The following PTPRD variants were observed in gnomAD, a reference collection of about 807,000 sequenced individuals.
PTPRD encodes receptor-type tyrosine-protein phosphatase delta.
PTPRD carries 34 observed loss-of-function variants against 214.5 expected under a neutral mutation model. That is an observed-to-expected ratio of 0.16 (90% CI 0.12 to 0.21). The LOEUF is 0.21. PTPRD is among the 10% of genes least tolerant of loss of function. The probability of loss-of-function intolerance (pLI) is 1.00; values close to 1 mark genes in which losing one functional copy is unlikely to be tolerated. For missense variants in PTPRD, 2,545 were observed against 2,398.7 expected, an observed-to-expected ratio of 1.06 and a Z score of -1.27; for synonymous variants, 1,128 against 845.7, an observed-to-expected ratio of 1.33 and a Z score of -5.79.
intron 7 of PTPRD, among the ~76,000 whole-genome samples, chr9:9,734,313 G>A (rs1466611886): frequency 6.6e-6 from 1 of 152,086 alleles, no homozygotes; most frequent in Admixed American, 6.6e-5. Flanking sequence ...TCTAACCCAT[G>A]AAGTTGAATC....
At chr9:8,374,051 C>A (rs2082460774) in intron 39 of PTPRD, among the ~76,000 whole-genome samples, 2 of 150,886 alleles carry the variant, frequency 1.3e-5, no homozygotes, top group Admixed American at 6.6e-5. Flanking sequence ...TCAGTGAAAA[C>A]TCCCAAATTA....
chr9:9,627,755 C>T (rs1186997720), intron 7 of PTPRD, among the ~76,000 whole-genome samples: 1 of 152,090 alleles, frequency 6.6e-6, no homozygotes, highest in Non-Finnish European at 1.5e-5. Flanking sequence ...CAGTTCTTCC[C>T]CAATAGTTCT....
chr9:10,220,815 TATAA>T (rs2099568549), intron 3 of PTPRD, among the ~76,000 whole-genome samples: 1 of 152,058 alleles, frequency 6.6e-6, no homozygotes, highest in Admixed American at 6.6e-5. Flanking sequence ...TTGCTAAACT[TATAA>T]ATTTTATAAA....
intron 2 of PTPRD, among the ~76,000 whole-genome samples, chr9:10,503,213 A>AAAAAAAC (rs1555437452): frequency 2.0e-5 from 3 of 149,480 alleles, no homozygotes; most frequent in African/African-American, 7.4e-5. Context: ...AAAAACAAAA[A>AAAAAAAC]AAAACACCAT....
chr9:10,048,985 C>T (rs1306570191), intron 3 of PTPRD, among the ~76,000 whole-genome samples: 1 of 151,922 alleles, frequency 6.6e-6, no homozygotes. Context: ...CCCTGACACT[C>T]GGGTAGTTCA....
At position 9,735,515 on chromosome 9, in the gene PTPRD, C is replaced by T. The variant is rs563518260; in HGVS notation, c.-325-944G>A. Among the ~76,000 whole-genome samples the T allele has an allele frequency of 2.6e-5, 4 of 152,182 alleles. No individual in the cohort carries two copies. In the South Asian group the frequency reaches 6.2e-4, roughly 24 times the overall value. On this transcript the variant is annotated intron_variant, in intron 6 of 45. Transcript: ENST00000381196. ...ATATGTGCATATGAATATGTGTCTG[C>T]ATCTTACTGTCAGAAAATTTAAATT...
intron 2 of PTPRD, among the ~76,000 whole-genome samples, chr9:10,414,984 G>A (rs763361210): frequency 3.3e-5 from 5 of 151,724 alleles, no homozygotes; most frequent in African/African-American, 9.6e-5. Context: ...TGGTTACTAG[G>A]TTTAATATCT....
At chr9:8,784,776 C>G (rs60096481) in intron 11 of PTPRD, among the ~76,000 whole-genome samples, 1,599 of 152,266 alleles carry the variant, frequency 0.011, 36 homozygotes, top group African/African-American at 0.036. Flanking sequence ...ACTCTCCATA[C>G]CAAAAATGTC....
rs117651232 is a variant in PTPRD, at chr9:9,569,183, A to G, written c.-237+5549T>C. Among the ~76,000 whole-genome samples, 264 of 145,588 alleles carry G rather than the reference A, an allele frequency of 1.8e-3. 5 individuals are homozygous for G. The East Asian group carries it at 0.048, about 26-fold the overall frequency. ...TCCTCTAACTATCTGCACATGTATC[A>G]ACACAGATGATACGCTAGTCATTTG... On this transcript the variant is annotated intron_variant, in intron 8 of 45. Coordinates refer to ENST00000381196, the MANE Select transcript of PTPRD (RefSeq NM_002839.4).
intron 2 of PTPRD, among the ~76,000 whole-genome samples, chr9:10,604,578 C>A (rs577604160): frequency 1.3e-5 from 2 of 151,802 alleles, no homozygotes; most frequent in Admixed American, 1.3e-4. Flanking sequence ...TTGCTTGCAA[C>A]CACACAGGTA....
chr9:8,585,307 T>A (rs563767581), intron 14 of PTPRD, among the ~76,000 whole-genome samples: 7 of 152,302 alleles, frequency 4.6e-5, no homozygotes, highest in Admixed American at 2.0e-4. Context: ...TTTAACTTTA[T>A]AAAAAGAACA....
intron 8 of PTPRD, among the ~76,000 whole-genome samples, chr9:9,441,409 C>T (rs12351562): frequency 0.014 from 2,084 of 152,214 alleles, 42 homozygotes; most frequent in African/African-American, 0.047. Context: ...AAAAGTATGT[C>T]TGAAATTCTC....
intron 11 of PTPRD, among the ~76,000 whole-genome samples, chr9:8,827,270 T>C (rs1015480908): frequency 1.3e-5 from 2 of 151,868 alleles, no homozygotes; most frequent in African/African-American, 2.4e-5. Context: ...CTATGGTAAA[T>C]AGATACGTGA....
intron 11 of PTPRD, among the ~76,000 whole-genome samples, chr9:8,974,553 G>C (rs1400155182): frequency 6.6e-6 from 1 of 151,920 alleles, no homozygotes; most frequent in Non-Finnish European, 1.5e-5. Flanking sequence ...GAAGGCCAAG[G>C]AGCTATTTTC....
chr9:10,417,518 G>A (rs994155225), intron 2 of PTPRD, among the ~76,000 whole-genome samples: 1 of 151,736 alleles, frequency 6.6e-6, no homozygotes, highest in Admixed American at 6.6e-5. Flanking sequence ...AAGTTATTAT[G>A]ATTTGCACAT....
rs80206573 is a variant in PTPRD at position 8,393,912 on chromosome 9, G to C, written c.4211-4505C>G. 2.2e-3 allele frequency among the ~76,000 whole-genome samples: 335 copies of C among 152,120 alleles called. 2 individuals are homozygous for C. The highest frequency in any genetic ancestry group is 7.8e-3 in the African/African-American group (325 of 41,520). On this transcript the variant is annotated intron_variant, in intron 36 of 45. Coordinates refer to ENST00000381196, the MANE Select transcript of PTPRD (RefSeq NM_002839.4). ...CTTACATGCTTTATACTGGGTCTTT[G>C]TGTTCTGGGCTAACTAAACCTGGCT...
chr9:8,490,651 G>A (rs923634360), intron 27 of PTPRD, among the ~76,000 whole-genome samples: 8 of 152,046 alleles, frequency 5.3e-5, no homozygotes, highest in Admixed American at 2.0e-4. Context: ...AATAATGGGA[G>A]GATTAACAAA....
chr9:8,898,349 G>T (rs925927185), intron 11 of PTPRD, among the ~76,000 whole-genome samples: 1 of 152,020 alleles, frequency 6.6e-6, no homozygotes, highest in African/African-American at 2.4e-5. Flanking sequence ...GGAAGGAGAA[G>T]AAAACTGAAA....
chr9:8,982,016 T>C (rs923593350), intron 11 of PTPRD, among the ~76,000 whole-genome samples: 2 of 151,944 alleles, frequency 1.3e-5, no homozygotes, highest in African/African-American at 4.8e-5. Flanking sequence ...AAAGTTAAGG[T>C]ATGGGTAAGA....
Sources: allele counts gnomAD v4.1 joint callset (sites outside exome capture counted in the v4.1 genomes callset), GRCh38; gene constraint gnomAD v4.1.1; transcripts MANE v1.5; gene names NCBI Gene and HGNC (gene_info 2026-07-23, HGNC 2026-07-21).